The following CHD5 variants were observed in gnomAD, a reference collection of about 807,000 sequenced individuals.
The protein encoded by CHD5 is chromodomain helicase DNA binding protein 5.
CHD5 carries 69 observed loss-of-function variants against 230.3 expected under a neutral mutation model. The ratio of observed to expected loss-of-function variants is 0.30; its 90% CI spans 0.25 to 0.37. The LOEUF (loss-of-function observed/expected upper bound fraction) is 0.37, where lower values mean the gene tolerates loss of function less well. CHD5 is among the 10% of genes least tolerant of loss of function. The pLI is 1.00. For missense variants in CHD5, 1,827 were observed against 2,622.8 expected, an observed-to-expected ratio of 0.70 and a Z score of 6.63; for synonymous variants, 1,064 against 1,065.9, an observed-to-expected ratio of 1.00 and a Z score of 0.03.
At chr1:6,172,618 C>T (rs1317920617) in intron 1 of CHD5, among the ~76,000 whole-genome samples, 2 of 152,138 alleles carry the variant, frequency 1.3e-5, no homozygotes, top group Non-Finnish European at 2.9e-5. Context: ...AGGCAGTGGG[C>T]GCCCACCCCC....
In CHD5 at chr1:6,129,187, T is replaced by C; in HGVS notation, c.3388-118A>G. 4 of 703,308 alleles carry C rather than the reference T, an allele frequency of 5.7e-6. No homozygotes were observed. Among genetic ancestry groups the C allele is most frequent in the Non-Finnish European group, 9.7e-6 (4 of 413,876 alleles). 43.6% of individuals were successfully genotyped at this position (703,308 alleles called of 1,614,324 possible). ...CTGCATGACTGTGTAGGGAAAGGCG[T>C]GTGGTGCGTCCAGGTGTGTGGAGCC... On this transcript the variant is annotated intron_variant, in intron 22 of 41. Coordinates refer to ENST00000262450, the MANE Select transcript of CHD5 (RefSeq NM_015557.3). This position sits in a 1 kb window ranked among gnomAD's most constrained non-coding sequence, Gnocchi z 6.8.
intron 15 of CHD5, among the ~76,000 whole-genome samples, chr1:6,139,927 C>CA (rs1285875957): frequency 6.6e-6 from 1 of 152,164 alleles, no homozygotes; most frequent in Non-Finnish European, 1.5e-5. Context: ...TTCATTCACT[C>CA]ATTCAACAGT....
chr1:6,140,999 A>ATAATAATAATAATAATAAT (rs1212140994), intron 15 of CHD5, among the ~76,000 whole-genome samples: 31 of 134,004 alleles, frequency 2.3e-4, no homozygotes, highest in Middle Eastern at 4.0e-3. Flanking sequence ...AATAATAATA[A>ATAATAATAATAATAATAAT]TAGGCTGAGC....
intron 1 of CHD5, among the ~76,000 whole-genome samples, chr1:6,178,483 G>A (rs1667459111): frequency 6.6e-6 from 1 of 152,068 alleles, no homozygotes; most frequent in African/African-American, 2.4e-5. Flanking sequence ...GGCTTACTGG[G>A]GAGCCAGCCT....
intron 3 of CHD5, among the ~76,000 whole-genome samples, chr1:6,157,002 G>A (rs924444368): frequency 2.0e-5 from 3 of 152,248 alleles, no homozygotes; most frequent in Admixed American, 1.3e-4. Flanking sequence ...GTAAAATGGA[G>A]ATAATGGCAC....
intron 41 of CHD5, 28 bp downstream of exon 41, chr1:6,106,206 G>A (rs1666161603): frequency 6.3e-7 from 1 of 1,598,238 alleles, no homozygotes; most frequent in East Asian, 2.2e-5. Context: ...GGGTGGCGGG[G>A]AGGAACACAG....
In CHD5 at chr1:6,124,617, G is replaced by A. The variant is rs1334100221; in HGVS notation, c.4439C>T (p.Ala1480Val). 15 of 1,329,784 alleles carry A rather than the reference G, an allele frequency of 1.1e-5. No homozygotes were observed. Among genetic ancestry groups the A allele is most frequent in the African/African-American group, 6.8e-5 (4 of 58,792 alleles). 82.4% of individuals were successfully genotyped at this position (1,329,784 alleles called of 1,614,324 possible). A position where few individuals can be genotyped will look rare whatever the true frequency, so the allele number is the denominator to read the frequency against. ...GTCTGCGAAGGTCTCTGCACCATCCGCCCCCGGCTCACACAGGTGCCGCAT... is the reference window on the plus strand; with the variant it reads ...GTCTGCGAAGGTCTCTGCACCATCCACCCCCGGCTCACACAGGTGCCGCAT... ...LFMRHLCEPG[A>V]DGAETFADGV... The change falls in exon 30 of 42, where the codon GCG (alanine) becomes GTG (valine). Residue 1480 changes from alanine to valine, a missense_variant. Around this residue, in one of 14 missense-constraint regions of CHD5, gnomAD observed 108 missense variants for 152.4 expected, o/e 0.71. Coordinates refer to ENST00000262450, the MANE Select transcript of CHD5 (RefSeq NM_015557.3).
rs758808144 is a variant in CHD5 at position 6,155,631 on chromosome 1, C to T, written c.474G>A (p.Leu158=). ...YLFSEEDYHT[L]TNYKAFSQFL... Reference sequence around the variant, plus strand: ...ACTGGCTGAAGGCCTTGTAGTTGGTCAGCGTGTGGTAATCCTCCTCCGAGA... The same window carrying T: ...ACTGGCTGAAGGCCTTGTAGTTGGTTAGCGTGTGGTAATCCTCCTCCGAGA... Residue 158 remains leucine, a synonymous_variant, in exon 4 of 42, where the codon CTG becomes CTA. Transcript: ENST00000262450. This position sits in a 1 kb window ranked among gnomAD's most constrained non-coding sequence, Gnocchi z 4.0. 2 of 1,614,138 alleles carry T rather than the reference C, an allele frequency of 1.2e-6. No individual in the cohort carries two copies. The highest frequency in any genetic ancestry group is 1.3e-5 in the African/African-American group (1 of 75,040).
chr1:6,161,583 G>C (rs902815121), intron 2 of CHD5, among the ~76,000 whole-genome samples: 1 of 152,358 alleles, frequency 6.6e-6, no homozygotes, highest in Non-Finnish European at 1.5e-5. Context: ...ACAGCCACTG[G>C]CTGGGAGCCT....
At chr1:6,122,796 G>A (rs1358839693) in intron 31 of CHD5, among the ~76,000 whole-genome samples, 2 of 152,216 alleles carry the variant, frequency 1.3e-5, no homozygotes, top group Non-Finnish European at 2.9e-5. Context: ...TCGGCCAGGC[G>A]CGGTGGCTCA....
intron 1 of CHD5, among the ~76,000 whole-genome samples, chr1:6,178,388 G>A (rs1385583837): frequency 1.3e-5 from 2 of 152,144 alleles, no homozygotes; most frequent in Non-Finnish European, 2.9e-5. Flanking sequence ...GCGGGTCGGT[G>A]CAACCCCAGA....
At chr1:6,106,168 T>G in intron 41 of CHD5, 66 bp downstream of exon 41, 1 of 1,435,858 alleles carries the variant, frequency 7.0e-7, no homozygotes, top group Non-Finnish European at 9.8e-7. Flanking sequence ...CAGGGCTGAC[T>G]GTGGCCAGGC....
In CHD5 at chr1:6,155,911, CTG is replaced by C. The variant is rs1197258000; in HGVS notation, c.388-196_388-195del. 6.6e-6 allele frequency among the ~76,000 whole-genome samples: 1 copy of C among 152,250 alleles called. No homozygotes were observed. The highest frequency in any genetic ancestry group is 1.5e-5 in the Non-Finnish European group (1 of 68,056). ...GCCCCGCAGCCCCGCAGCCCCCAAT[CTG>C]TGCCACGTCTCAGATGCCAGCCCAC... On this transcript the variant is annotated intron_variant, in intron 3 of 41. Transcript: ENST00000262450. This position sits in a 1 kb window ranked among gnomAD's most constrained non-coding sequence, Gnocchi z 4.0.
intron 5 of CHD5, 151 bp from the exon 6 acceptor site, chr1:6,152,687 T>A: frequency 7.5e-7 from 1 of 1,338,220 alleles, no homozygotes; most frequent in Non-Finnish European, 1.0e-6. Flanking sequence ...CTTGGAGAGG[T>A]AAACCCCTTG....
Position 6,125,359 on chromosome 1 carries a change from GC to G in CHD5, c.4261-127del. On this transcript the variant is annotated intron_variant, in intron 28 of 41. Coordinates refer to ENST00000262450, the MANE Select transcript of CHD5 (RefSeq NM_015557.3). This position sits in a 1 kb window ranked among gnomAD's most constrained non-coding sequence, Gnocchi z 6.7. ...GGAAGGGGGCACAGAGAAGGCAGGG[GC>G]CTCCACCTGGGGCAGGACCCTGACG... 1 of 1,192,620 alleles carries G rather than the reference GC, an allele frequency of 8.4e-7. No individual in the cohort carries two copies. The highest frequency in any genetic ancestry group is 1.2e-6 in the Non-Finnish European group (1 of 856,442). The allele number at this position is 1,192,620 out of a possible 1,614,324, so 73.9% of individuals were successfully genotyped here.
intron 38 of CHD5, among the ~76,000 whole-genome samples, chr1:6,107,887 T>G (rs1571135925): frequency 6.5e-5 from 6 of 92,344 alleles, no homozygotes; most frequent in South Asian, 3.7e-4. Flanking sequence ...GATGGAGGGG[T>G]GGAAGGATGG....
In CHD5 at chr1:6,112,171, G is replaced by A. The variant is rs150855676; in HGVS notation, c.5109C>T (p.Phe1703=). The change falls in exon 35 of 42, where the codon TTC becomes TTT. Residue 1703 remains phenylalanine (F), a synonymous_variant. Coordinates refer to ENST00000262450, the MANE Select transcript of CHD5 (RefSeq NM_015557.3). ...AGCCCCCGTCCGCGATGTTGAACAT[G>A]AACTTGAATTTCCCCTTCTTGTCCT... ...KKEDKKGKFK[F]MFNIADGGFT... 1.2e-6 allele frequency: 2 copies of A among 1,614,124 alleles called. No homozygotes were observed. Among genetic ancestry groups the A allele is most frequent in the Non-Finnish European group, 1.7e-6 (2 of 1,180,008 alleles).
At position 6,154,588 on chromosome 1, in the gene CHD5, T is replaced by C; in HGVS notation, c.745+72A>G. 1.4e-6 allele frequency: 2 copies of C among 1,397,814 alleles called. No homozygotes were observed. Among genetic ancestry groups the C allele is most frequent in the South Asian group, 1.5e-5 (1 of 66,978 alleles). 86.6% of individuals were successfully genotyped at this position (1,397,814 alleles called of 1,614,324 possible). On this transcript the variant is annotated intron_variant, in intron 5 of 41. Coordinates refer to ENST00000262450, the MANE Select transcript of CHD5 (RefSeq NM_015557.3). The surrounding 1 kb of genome is among the most constrained non-coding windows in gnomAD (Gnocchi z 7.0). ...CCCCTCCCTGCCCGCGTCTGCCCCG[T>C]GGCTTCTCCTATAGGGTCTGAAAGG...
At position 6,129,441 on chromosome 1, in the gene CHD5, A is replaced by G. The variant is rs1156751674; in HGVS notation, c.3388-372T>C. On this transcript the variant is annotated intron_variant, in intron 22 of 41. Transcript: ENST00000262450. The surrounding 1 kb of genome is among the most constrained non-coding windows in gnomAD (Gnocchi z 6.8). ...GGCTGCATTTCCCTGTGAGCGAACCACTAATGGGACCACAAGACCATGTGC... is the reference window on the plus strand; with the variant it reads ...GGCTGCATTTCCCTGTGAGCGAACCGCTAATGGGACCACAAGACCATGTGC... Among the ~76,000 whole-genome samples, 1 of 152,136 alleles carries G rather than the reference A, an allele frequency of 6.6e-6. No homozygotes were observed. The highest frequency in any genetic ancestry group is 1.9e-4 in the East Asian group (1 of 5,188).
Sources: allele counts gnomAD v4.1 joint callset (sites outside exome capture counted in the v4.1 genomes callset), GRCh38; gene constraint gnomAD v4.1.1; regional missense constraint gnomAD v4.1.1; non-coding constraint Gnocchi (gnomAD v3.1); transcripts MANE v1.5; gene names NCBI Gene and HGNC (gene_info 2026-07-23, HGNC 2026-07-21).